TRIM44: variants seen among roughly 807,000 people sequenced by gnomAD.
The protein encoded by TRIM44 is tripartite motif containing 44.
A neutral mutation model predicts 37.4 loss-of-function variants in TRIM44; 13 were observed. That is an observed-to-expected ratio of 0.35 (90% confidence interval 0.23 to 0.55). The LOEUF is 0.55. TRIM44 is among the 20% of genes least tolerant of loss of function. TRIM44 has a pLI of 0.89. For synonymous variants in TRIM44, 175 were observed against 157.2 expected (o/e 1.11, Z -0.85); for missense variants, 426 against 437.2 (o/e 0.97, Z 0.23).
At position 35,665,586 on chromosome 11, in the gene TRIM44, G is replaced by GTTTTT. The variant is rs35522287; in HGVS notation, c.669+1828_669+1832dup. Among the ~76,000 whole-genome samples, 4 of 71,512 alleles carry GTTTTT rather than the reference G, an allele frequency of 5.6e-5. 1 individual carries two copies. Among genetic ancestry groups the GTTTTT allele is most frequent in the Non-Finnish European group, 8.1e-5 (3 of 37,062 alleles). The allele number at this position is 71,512 out of a possible 152,430, so 46.9% of individuals were successfully genotyped here. A position where few individuals can be genotyped will look rare whatever the true frequency, so the allele number is the denominator to read the frequency against. On this transcript the variant is annotated intron_variant, in intron 1 of 4. Transcript: ENST00000299413. ...TCATTATATGAGTTTTTATATATCTGTTTTTTTTTTTTTTTTTTTTTTTTT... is the reference window on the plus strand; with the variant it reads ...TCATTATATGAGTTTTTATATATCTGTTTTTTTTTTTTTTTTTTTTTTTTTTTTTT...
chr11:35,692,713 A>G (rs1851651076), intron 2 of TRIM44, among the ~76,000 whole-genome samples: 1 of 152,140 alleles, frequency 6.6e-6, no homozygotes, highest in Non-Finnish European at 1.5e-5. Context: ...TCATGAGGTC[A>G]GGAGATCGGG....
intron 4 of TRIM44, among the ~76,000 whole-genome samples, chr11:35,748,301 G>T (rs987006028): frequency 1.5e-4 from 23 of 152,146 alleles, no homozygotes; most frequent in Admixed American, 3.3e-4. Flanking sequence ...GGGGAAAGTG[G>T]CTTGTTAGAA....
chr11:35,757,198 C>G (rs541498516), intron 4 of TRIM44, among the ~76,000 whole-genome samples: 1 of 152,280 alleles, frequency 6.6e-6, no homozygotes, highest in Non-Finnish European at 1.5e-5. Flanking sequence ...TTGGTCTATT[C>G]AGAGATTCAG....
At chr11:35,755,157 C>G (rs1852618226) in intron 4 of TRIM44, among the ~76,000 whole-genome samples, 1 of 152,192 alleles carries the variant, frequency 6.6e-6, no homozygotes, top group South Asian at 2.1e-4. Context: ...CACATCCTCT[C>G]CAGCACCTGT....
intron 2 of TRIM44, among the ~76,000 whole-genome samples, chr11:35,692,249 T>C (rs1851644647): frequency 6.6e-6 from 1 of 152,292 alleles, no homozygotes; most frequent in African/African-American, 2.4e-5. Flanking sequence ...TTTGTGGTTC[T>C]GATATATGCT....
chr11:35,731,699 A>T (rs1205647870), intron 3 of TRIM44, among the ~76,000 whole-genome samples: 1 of 152,016 alleles, frequency 6.6e-6, no homozygotes, highest in Admixed American at 6.6e-5. Context: ...GTGTGTCTTT[A>T]TTTATATGTC....
rs1484275217 is a variant in TRIM44 at position 35,809,587 on chromosome 11, T to A, written c.*3202T>A. On this transcript the variant is annotated 3_prime_UTR_variant, in exon 5 of 5. Coordinates refer to ENST00000299413, the MANE Select transcript of TRIM44 (RefSeq NM_017583.6). ...TGCCATCTTCCATAAATAAGGTGTT[T>A]CTTGGCCTTCAAAGATATAGAACTT... 6.6e-6 allele frequency: 1 copy of A among 152,182 alleles called. No homozygotes were observed. Among genetic ancestry groups the A allele is most frequent in the Non-Finnish European group, 1.5e-5 (1 of 68,034 alleles). 9.4% of individuals were successfully genotyped at this position (152,182 alleles called of 1,614,324 possible). A position where few individuals can be genotyped will look rare whatever the true frequency, so the allele number is the denominator to read the frequency against.
intron 4 of TRIM44, among the ~76,000 whole-genome samples, chr11:35,792,104 CA>C (rs1853222152): frequency 9.7e-6 from 1 of 102,692 alleles, no homozygotes; most frequent in Non-Finnish European, 2.4e-5. Context: ...CACACACACA[CA>C]CACACACTCT....
At chr11:35,771,857 A>G (rs1031255330) in intron 4 of TRIM44, among the ~76,000 whole-genome samples, 20 of 152,244 alleles carry the variant, frequency 1.3e-4, no homozygotes, top group Non-Finnish European at 5.9e-5. Flanking sequence ...AGCCGTCTGC[A>G]TAAATTTGCA....
intron 4 of TRIM44, among the ~76,000 whole-genome samples, chr11:35,742,962 T>C (rs1852432050): frequency 6.6e-6 from 1 of 151,648 alleles, no homozygotes; most frequent in African/African-American, 2.4e-5. Context: ...GTAGTCTGAC[T>C]CCAGACTGCA....
chr11:35,713,749 A>T (rs1199993980), intron 2 of TRIM44, among the ~76,000 whole-genome samples: 1 of 152,238 alleles, frequency 6.6e-6, no homozygotes, highest in Admixed American at 6.5e-5. Context: ...TTAGCTCCTT[A>T]AGGGAGTAGA....
rs1223370664 is a variant in TRIM44 at position 35,817,387 on chromosome 11, A to G, written c.*11002A>G. The G allele has an allele frequency of 1.3e-5, 2 of 152,220 alleles. No individual in the cohort carries two copies. Among genetic ancestry groups the G allele is most frequent in the South Asian group, 2.1e-4 (1 of 4,826 alleles). The allele number at this position is 152,220 out of a possible 1,614,324, so 9.4% of individuals were successfully genotyped here. On this transcript the variant is annotated 3_prime_UTR_variant, in exon 5 of 5. Transcript: ENST00000299413. ...TGTTCTCTCTCTACATGCGCCTAAA[A>G]TGACGGGTAGGGTCAGAGACATTGG...
chr11:35,696,807 A>G (rs1248397039), intron 2 of TRIM44, among the ~76,000 whole-genome samples: 1 of 151,520 alleles, frequency 6.6e-6, no homozygotes, highest in Non-Finnish European at 1.5e-5. Flanking sequence ...AGATCATGCC[A>G]TTGCACTCCA....
At chr11:35,702,304 C>A (rs893379713) in intron 2 of TRIM44, among the ~76,000 whole-genome samples, 9 of 152,186 alleles carry the variant, frequency 5.9e-5, no homozygotes, top group Admixed American at 5.9e-4. Flanking sequence ...TCCGGGAGGG[C>A]AGCGAGGGTG....
intron 4 of TRIM44, among the ~76,000 whole-genome samples, chr11:35,746,817 T>C (rs1852497704): frequency 6.6e-6 from 1 of 152,200 alleles, no homozygotes; most frequent in Non-Finnish European, 1.5e-5. Context: ...CTTTCTTGTC[T>C]ATAAGCAGGG....
chr11:35,782,082 T>C (rs1398616770), intron 4 of TRIM44, among the ~76,000 whole-genome samples: 1 of 152,224 alleles, frequency 6.6e-6, no homozygotes, highest in Non-Finnish European at 1.5e-5. Flanking sequence ...TTGCTGTTGA[T>C]ACATTTTAAC....
At chr11:35,761,795 T>A (rs1449026291) in intron 4 of TRIM44, among the ~76,000 whole-genome samples, 2 of 152,238 alleles carry the variant, frequency 1.3e-5, no homozygotes, top group African/African-American at 4.8e-5. Flanking sequence ...CCTATGCATG[T>A]CTCCTCTTAA....
chr11:35,774,090 A>G (rs1852915706), intron 4 of TRIM44, among the ~76,000 whole-genome samples: 2 of 152,350 alleles, frequency 1.3e-5, no homozygotes, highest in South Asian at 2.1e-4. Context: ...TCCCACCAAC[A>G]GTGTAAAAGT....
intron 3 of TRIM44, among the ~76,000 whole-genome samples, chr11:35,731,039 A>G (rs1456582043): frequency 6.6e-6 from 1 of 152,092 alleles, no homozygotes; most frequent in African/African-American, 2.4e-5. Flanking sequence ...ATCTACAAAT[A>G]GAGACAGTTT....
Sources: allele counts gnomAD v4.1 joint callset (sites outside exome capture counted in the v4.1 genomes callset), GRCh38; gene constraint gnomAD v4.1.1; transcripts MANE v1.5; gene names NCBI Gene and HGNC (gene_info 2026-07-23, HGNC 2026-07-21).